The following E2F2 variants were observed in gnomAD, a reference collection of about 807,000 sequenced individuals.
E2F2 encodes the protein E2F transcription factor 2.
Under a neutral mutation model 42.2 loss-of-function variants are expected in E2F2, and 22 were observed. That is an observed-to-expected ratio of 0.52 (90% confidence interval 0.37 to 0.74). The LOEUF (loss-of-function observed/expected upper bound fraction) is 0.74. E2F2 is among the 30% of genes least tolerant of loss of function. The probability of loss-of-function intolerance (pLI) is 0.00; values close to 1 mark genes in which losing one functional copy is unlikely to be tolerated. For synonymous variants in E2F2, 248 were observed against 251.6 expected, an observed-to-expected ratio of 0.99 and a Z score of 0.13; for missense variants, 481 against 557.8, an observed-to-expected ratio of 0.86 and a Z score of 1.39.
chr1:23,514,936 T>C (rs1193602539), intron 6 of E2F2, among the ~76,000 whole-genome samples: 2 of 152,066 alleles, frequency 1.3e-5, no homozygotes, highest in African/African-American at 4.8e-5. Context: ...CCCACAACTC[T>C]TTAAAAATGT....
In E2F2 at chr1:23,521,621, T is replaced by G. The variant is rs927360533; in HGVS notation, c.578+216A>C. 14 of 982,552 alleles carry G rather than the reference T, an allele frequency of 1.4e-5. No homozygotes were observed. In the African/African-American group the frequency reaches 2.3e-4, roughly 16 times the overall value. 60.9% of individuals were successfully genotyped at this position (982,552 alleles called of 1,614,324 possible). ...GCCCCGCATCACGTTCTCCGATTAC[T>G]TCAGCAGGTACACGGCGCTCTTCCT... On this transcript the variant is annotated intron_variant, in intron 3 of 6. Coordinates refer to ENST00000361729, the MANE Select transcript of E2F2 (RefSeq NM_004091.4).
At position 23,528,325 on chromosome 1, in the gene E2F2, C is replaced by T. The variant is rs1381278450; in HGVS notation, c.252+2217G>A. ...AGCTCCACAACAAATCCTGCTCACC[C>T]TGCACTTTGCAGCCCGGCCACAAAG... On this transcript the variant is annotated intron_variant, in intron 1 of 6. Transcript: ENST00000361729. 2.0e-5 allele frequency among the ~76,000 whole-genome samples: 3 copies of T among 152,250 alleles called. No homozygotes were observed. The East Asian group carries it at 5.8e-4, about 29-fold the overall frequency.
In E2F2 at chr1:23,509,969, G is replaced by C. The variant is rs762013274; in HGVS notation, c.1225C>G (p.Gln409Glu). 1.2e-6 allele frequency: 2 copies of C among 1,613,026 alleles called. No homozygotes were observed. Among genetic ancestry groups the C allele is most frequent in the South Asian group, 2.2e-5 (2 of 90,850 alleles). ...TCCAAGCCCCACAGGTAGTCGTCCT[G>C]GTCCAAGGATGGGGAGAAGCTGATC... ...PLISFSPSLD[Q>E]DDYLWGLEAG... Residue 409 changes from glutamine to glutamate, a missense_variant, in exon 7 of 7, where the codon CAG (glutamine) becomes GAG (glutamate). Coordinates refer to ENST00000361729, the MANE Select transcript of E2F2 (RefSeq NM_004091.4).
Position 23,530,403 on chromosome 1 carries a change from G to T in E2F2, c.252+139C>A. 8.3e-7 allele frequency: 1 copy of T among 1,197,946 alleles called. No homozygotes were observed. The highest frequency in any genetic ancestry group is 1.1e-6 in the Non-Finnish European group (1 of 878,112). 74.2% of individuals were successfully genotyped at this position (1,197,946 alleles called of 1,614,324 possible). ...CTTCTACTCAGATATTGGGGGCACT[G>T]GGTCCTGGAAACTGAAAGCTCATCT... On this transcript the variant is annotated intron_variant, in intron 1 of 6. Coordinates refer to ENST00000361729, the MANE Select transcript of E2F2 (RefSeq NM_004091.4). This position sits in a 1 kb window ranked among gnomAD's most constrained non-coding sequence, Gnocchi z 4.4.
intron 1 of E2F2, among the ~76,000 whole-genome samples, chr1:23,529,482 G>C (rs1462307693): frequency 6.6e-6 from 1 of 152,098 alleles, no homozygotes; most frequent in African/African-American, 2.4e-5. Flanking sequence ...CTGGGGCAGT[G>C]GGGGGTGGTC....
In E2F2 at chr1:23,528,663, G is replaced by A. The variant is rs1458061879; in HGVS notation, c.252+1879C>T. 2.6e-5 allele frequency among the ~76,000 whole-genome samples: 4 copies of A among 152,272 alleles called. No individual in the cohort carries two copies. The East Asian group carries it at 7.7e-4, about 29-fold the overall frequency. On this transcript the variant is annotated intron_variant, in intron 1 of 6. Coordinates refer to ENST00000361729, the MANE Select transcript of E2F2 (RefSeq NM_004091.4). ...CCAAGCAGTGTCTGGCACACGAGAG[G>A]CACTCAGTAAAAGAGAGACCTTCTT... is the stretch of plus-strand genomic sequence containing the variant.
chr1:23,518,011 A>G (rs906503039), intron 5 of E2F2, among the ~76,000 whole-genome samples: 3 of 152,080 alleles, frequency 2.0e-5, no homozygotes, highest in African/African-American at 4.8e-5. Flanking sequence ...CTCTACAAAA[A>G]AAACAAAAAA....
intron 3 of E2F2, 115 bp downstream of exon 3, chr1:23,521,722 T>C (rs1643152604): frequency 9.9e-6 from 15 of 1,508,070 alleles, no homozygotes; most frequent in Non-Finnish European, 1.3e-5. Context: ...CTTGTGCCCA[T>C]TGGATGTTGC....
chr1:23,516,729 G>A (rs1300031678), intron 5 of E2F2, among the ~76,000 whole-genome samples: 1 of 147,694 alleles, frequency 6.8e-6, no homozygotes, highest in East Asian at 2.0e-4. Flanking sequence ...ACTTCTTTTA[G>A]GGGGAACACC....
At chr1:23,515,655 G>A (rs539122417) in intron 6 of E2F2, among the ~76,000 whole-genome samples, 1 of 152,006 alleles carries the variant, frequency 6.6e-6, no homozygotes, top group African/African-American at 2.4e-5. Flanking sequence ...CAGAGTGCTG[G>A]GATTATAGGT....
Position 23,522,047 on chromosome 1 carries a change from G to T in E2F2, c.368C>A (p.Ser123Tyr). 1 of 1,613,958 alleles carries T rather than the reference G, an allele frequency of 6.2e-7. No homozygotes were observed. The highest frequency in any genetic ancestry group is 8.5e-7 in the Non-Finnish European group (1 of 1,179,970). The change falls in exon 3 of 7, where the codon TCC becomes TAC. Residue 123 changes from serine (S) to tyrosine (Y), a missense_variant. By Grantham distance (144) the Ser-to-Tyr change is moderately radical (BLOSUM62 -2). Coordinates refer to ENST00000361729, the MANE Select transcript of E2F2 (RefSeq NM_004091.4). Reference sequence around the variant, plus strand: ...GTCATACCGAGTCTTCTCCCCGGGGGATTTGGGGGCTGAAGAAGAAAGGGA... The same window carrying T: ...GTCATACCGAGTCTTCTCCCCGGGGTATTTGGGGGCTGAAGAAGAAAGGGA... ...DGLPSPKTPK[S>Y]PGEKTRYDTS...
At chr1:23,518,967 C>T in intron 5 of E2F2, 49 bp downstream of exon 5, 1 of 1,512,868 alleles carries the variant, frequency 6.6e-7, no homozygotes, top group Non-Finnish European at 9.1e-7. Context: ...CTGGAACGCT[C>T]CCTGGCAGGG....
chr1:23,519,097 A>T lies in E2F2; in HGVS notation c.771T>A (p.Ala257=), dbSNP rs56128752. 8.8e-3 allele frequency: 14,178 copies of T among 1,613,996 alleles called. 80 individuals are homozygous for T. The highest frequency in any genetic ancestry group is 0.011 in the Non-Finnish European group (13,151 of 1,179,920). ...LAYVTYQDIR[A]VGNFKEQTVI... ...CTGTCTGCTCCTTAAAGTTGCCAAC[A>T]GCACGGATATCCTGGTAAGTCACAT... Residue 257 remains alanine (A), a synonymous_variant, in exon 5 of 7, where the codon GCT becomes GCA. Transcript: ENST00000361729.
Position 23,516,368 on chromosome 1 carries a change from C to T in E2F2, c.1012G>A (p.Asp338Asn), listed in dbSNP as rs114788023. 2,142 of 1,577,902 alleles carry T rather than the reference C, an allele frequency of 1.4e-3. 7 individuals carry two copies. Among genetic ancestry groups the T allele is most frequent in the Middle Eastern group, 6.6e-3 (37 of 5,646 alleles). ...PDSAQPSSSTDPSIMEPTASS... is the reference protein window; with the variant it reads ...PDSAQPSSSTNPSIMEPTASS... The stretch of plus-strand genomic sequence containing the variant: ...GCTGTGGGCTCCATGATGCTAGGGT[C>T]GGTGCTGCTGCTGGGCTGGGCAGAG... The change falls in exon 6 of 7, where the codon GAC (aspartate) becomes AAC (asparagine). Residue 338 changes from aspartate to asparagine, a missense_variant. Coordinates refer to ENST00000361729, the MANE Select transcript of E2F2 (RefSeq NM_004091.4).
At chr1:23,505,347 C>T (rs1246391468), downstream of E2F2, among the ~76,000 whole-genome samples, 1 of 152,198 alleles carries the variant, frequency 6.6e-6, no homozygotes, top group Non-Finnish European at 1.5e-5. Flanking sequence ...TTCTGGGGAT[C>T]GCTTCTCAGC....
chr1:23,530,807 C>G lies in E2F2; in HGVS notation c.-14G>C. On this transcript the variant is annotated 5_prime_UTR_variant, in exon 1 of 7. Coordinates refer to ENST00000361729, the MANE Select transcript of E2F2 (RefSeq NM_004091.4). The surrounding 1 kb of genome is among the most constrained non-coding windows in gnomAD (Gnocchi z 4.4). ...CCCTTGCAGCATAGCGAGTAAGGCG[C>G]CCCCTACCCAAAAGGGCTTGGCGCG... 3 of 1,491,544 alleles carry G rather than the reference C, an allele frequency of 2.0e-6. No homozygotes were observed. The highest frequency in any genetic ancestry group is 2.7e-6 in the Non-Finnish European group (3 of 1,117,236). The allele number at this position is 1,491,544 out of a possible 1,614,324, so 92.4% of individuals were successfully genotyped here.
In E2F2 at chr1:23,530,458, C is replaced by A; in HGVS notation, c.252+84G>T. On this transcript the variant is annotated intron_variant, in intron 1 of 6. Coordinates refer to ENST00000361729, the MANE Select transcript of E2F2 (RefSeq NM_004091.4). This position sits in a 1 kb window ranked among gnomAD's most constrained non-coding sequence, Gnocchi z 4.4. ...TCTTCCCAAAACTCTACCTGCTCCA[C>A]TCAAACTGGATCTCAGGCACCCCTC... 6.5e-7 allele frequency: 1 copy of A among 1,545,086 alleles called. No individual in the cohort carries two copies. The highest frequency in any genetic ancestry group is 2.3e-5 in the East Asian group (1 of 43,588).
At chr1:23,512,930 A>G (rs781329971) in intron 6 of E2F2, among the ~76,000 whole-genome samples, 3 of 151,598 alleles carry the variant, frequency 2.0e-5, no homozygotes, top group Non-Finnish European at 4.4e-5. Context: ...ATTGTGCCTC[A>G]GCCTCCTGAG....
At chr1:23,520,243 CAAAAAAAAAAAAAAAA>C (rs66460864) in intron 4 of E2F2, among the ~76,000 whole-genome samples, 86 of 78,830 alleles carry the variant, frequency 1.1e-3, no homozygotes, top group East Asian at 2.2e-3. Context: ...GACTCTGTCT[CAAAAAAAAAAAAAAAA>C]AAAAAAAAAA....
Sources: gnomAD v4.1 joint callset for allele counts (sites outside exome capture counted in the v4.1 genomes callset) on GRCh38, gnomAD v4.1.1 for gene constraint, Gnocchi (gnomAD v3.1) non-coding constraint, MANE v1.5 for transcripts, NCBI Gene and HGNC (gene_info 2026-07-23, HGNC 2026-07-21) for gene names.